The following SNTB2 variants were observed in gnomAD, a reference collection of about 807,000 sequenced individuals.
SNTB2 encodes beta-2-syntrophin.
Under a neutral mutation model 46.2 loss-of-function variants are expected in SNTB2, and 34 were observed. The observed-to-expected ratio is 0.74, with a 90% CI of 0.56 to 0.98. SNTB2 has a LOEUF of 0.98. Ranked by LOEUF, SNTB2 falls within the 50% of genes least tolerant of loss-of-function variation. The pLI is 0.00. For missense variants in SNTB2, 603 were observed against 731.4 expected (o/e 0.82, Z 2.02); for synonymous variants, 290 against 312.6 (o/e 0.93, Z 0.76).
chr16:69,259,236 A>ATTTTT (rs58387978), intron 2 of SNTB2, among the ~76,000 whole-genome samples: 2 of 69,188 alleles, frequency 2.9e-5, no homozygotes, highest in Non-Finnish European at 2.9e-5. Flanking sequence ...GGTCTTTCTG[A>ATTTTT]TTTTTTTTTT....
chr16:69,220,402 C>T (rs1361753339), intron 1 of SNTB2, among the ~76,000 whole-genome samples: 1 of 150,910 alleles, frequency 6.6e-6, no homozygotes, highest in South Asian at 2.1e-4. Flanking sequence ...ACCTCTGATC[C>T]TCCCGCCTCA....
rs149063905 is a variant in SNTB2 at position 69,245,628 on chromosome 16, T to C, written c.607T>C (p.Tyr203His). The C allele has an allele frequency of 4.3e-5, 69 of 1,613,936 alleles. No homozygotes were observed. The highest frequency in any genetic ancestry group is 5.5e-5 in the Non-Finnish European group (65 of 1,179,960). ...EVKFIREVTP[Y>H]IKKPSLVSDL... is the part of the protein sequence containing the mutation. ...CAAGTTCATCCGAGAAGTAACACCA[T>C]ATATCAAGAAGCCATCATTAGTATC... Residue 203 changes from tyrosine (Y) to histidine (H), a missense_variant, in exon 2 of 7, where the codon TAT becomes CAT. Coordinates refer to ENST00000336278, the MANE Select transcript of SNTB2 (RefSeq NM_006750.4).
At chr16:69,236,511 A>G (rs867977951) in intron 1 of SNTB2, among the ~76,000 whole-genome samples, 1 of 152,102 alleles carries the variant, frequency 6.6e-6, no homozygotes, top group Non-Finnish European at 1.5e-5. Flanking sequence ...ATGGGGAGTA[A>G]TTGTTTAGTG....
chr16:69,234,039 GA>G (rs1964533465), intron 1 of SNTB2, among the ~76,000 whole-genome samples: 1 of 151,578 alleles, frequency 6.6e-6, no homozygotes, highest in South Asian at 2.1e-4. Context: ...AAGGAAAAAA[GA>G]AAAAAACAAG....
At chr16:69,219,011 G>T (rs1964375150) in intron 1 of SNTB2, among the ~76,000 whole-genome samples, 1 of 152,184 alleles carries the variant, frequency 6.6e-6, no homozygotes, top group African/African-American at 2.4e-5. Context: ...GCCATAACTA[G>T]TGGAATGGTT....
chr16:69,272,675 T>G (rs2143125475), intron 4 of SNTB2, among the ~76,000 whole-genome samples: 1 of 151,838 alleles, frequency 6.6e-6, no homozygotes, highest in South Asian at 2.1e-4. Context: ...GTTGATCACC[T>G]GAGGTCAGGA....
intron 2 of SNTB2, among the ~76,000 whole-genome samples, chr16:69,251,678 TG>T (rs1233443509): frequency 6.6e-6 from 1 of 151,736 alleles, no homozygotes. Context: ...CTCGGGAGGC[TG>T]AGGGAGGAGA....
intron 1 of SNTB2, among the ~76,000 whole-genome samples, chr16:69,193,700 T>A (rs1389754582): frequency 6.6e-6 from 1 of 152,218 alleles, no homozygotes; most frequent in Non-Finnish European, 1.5e-5. Context: ...TGCACATGCC[T>A]TATTCAAGGC....
chr16:69,244,287 C>T (rs1031523355), intron 1 of SNTB2, among the ~76,000 whole-genome samples: 2 of 152,106 alleles, frequency 1.3e-5, no homozygotes, highest in African/African-American at 4.8e-5. Flanking sequence ...AGGTGCAGCA[C>T]GGTAAGCATA....
intron 3 of SNTB2, among the ~76,000 whole-genome samples, chr16:69,263,292 T>G (rs1964853905): frequency 6.6e-6 from 1 of 152,064 alleles, no homozygotes; most frequent in African/African-American, 2.4e-5. Flanking sequence ...TTATTTTTTG[T>G]AGAGATAGGA....
intron 4 of SNTB2, among the ~76,000 whole-genome samples, chr16:69,271,636 A>G (rs1964938711): frequency 6.6e-6 from 1 of 152,230 alleles, no homozygotes; most frequent in Non-Finnish European, 1.5e-5. Flanking sequence ...TATAATTAGA[A>G]CAATTAAATT....
At chr16:69,295,088 T>A (rs2143194153) in intron 5 of SNTB2, among the ~76,000 whole-genome samples, 1 of 152,142 alleles carries the variant, frequency 6.6e-6, no homozygotes, top group Middle Eastern at 3.4e-3. Flanking sequence ...CCCAAAGTAC[T>A]AGGATTACAG....
intron 1 of SNTB2, among the ~76,000 whole-genome samples, chr16:69,213,294 A>G (rs536851165): frequency 6.6e-6 from 1 of 152,184 alleles, no homozygotes; most frequent in Admixed American, 6.5e-5. Flanking sequence ...GTCCTCTGTT[A>G]TATATTGGCT....
At chr16:69,293,293 T>C (rs2143189565) in intron 5 of SNTB2, among the ~76,000 whole-genome samples, 1 of 152,182 alleles carries the variant, frequency 6.6e-6, no homozygotes, top group East Asian at 1.9e-4. Flanking sequence ...TATCCATAAG[T>C]CGGGAGTACC....
In SNTB2 at chr16:69,303,956, A is replaced by G. The variant is rs1023773879; in HGVS notation, c.*3032A>G. The G allele has an allele frequency of 1.3e-5, 2 of 152,206 alleles. No individual in the cohort carries two copies. The highest frequency in any genetic ancestry group is 2.4e-5 in the African/African-American group (1 of 41,448). The allele number at this position is 152,206 out of a possible 1,614,324, so 9.4% of individuals were successfully genotyped here. A position where few individuals can be genotyped will look rare whatever the true frequency, so the allele number is the denominator to read the frequency against. On this transcript the variant is annotated 3_prime_UTR_variant, in exon 7 of 7. Transcript: ENST00000336278. ...TGGAATGGAAAGGAAACTGCAGAAT[A>G]GTGTCTGCTCCCCATTCAGAGGGAC...
At chr16:69,261,543 A>G (rs1964834851) in intron 3 of SNTB2, among the ~76,000 whole-genome samples, 1 of 152,078 alleles carries the variant, frequency 6.6e-6, no homozygotes, top group African/African-American at 2.4e-5. Flanking sequence ...TGAGAATGTA[A>G]TATTAGTACA....
chr16:69,260,281 G>A (rs1964822943), intron 3 of SNTB2, 21 bp downstream of exon 3: 3 of 1,609,244 alleles, frequency 1.9e-6, no homozygotes, highest in Non-Finnish European at 2.6e-6. Context: ...AGGCAGGGCA[G>A]AGTATCACCT....
chr16:69,189,926 A>G (rs1233021145), intron 1 of SNTB2, among the ~76,000 whole-genome samples: 2 of 152,220 alleles, frequency 1.3e-5, no homozygotes, highest in African/African-American at 4.8e-5. Flanking sequence ...CTTTTTACCT[A>G]ACATGCAGGT....
chr16:69,256,079 G>A (rs999394734), intron 2 of SNTB2, among the ~76,000 whole-genome samples: 14 of 151,940 alleles, frequency 9.2e-5, no homozygotes, highest in Non-Finnish European at 1.8e-4. Context: ...CCAGCTACTC[G>A]GGAGGCTGAG....
Sources: gnomAD v4.1 joint callset for allele counts (sites outside exome capture counted in the v4.1 genomes callset) on GRCh38, gnomAD v4.1.1 for gene constraint, MANE v1.5 for transcripts, NCBI Gene and HGNC (gene_info 2026-07-23, HGNC 2026-07-21) for gene names.